The following SHB variants were observed in gnomAD, a reference collection of about 807,000 sequenced individuals.
SHB encodes SH2 domain containing adaptor protein B.
In SHB, 20 loss-of-function variants were observed where a neutral mutation model predicts 52.3. The observed-to-expected ratio is 0.38, with a 90% confidence interval of 0.27 to 0.56. SHB has a LOEUF of 0.56. SHB is among the 20% of genes least tolerant of loss of function. The probability of loss-of-function intolerance (pLI) is 0.71; values close to 1 mark genes in which losing one functional copy is unlikely to be tolerated. For synonymous variants in SHB, 397 were observed against 316.5 expected (o/e 1.25, Z -2.70); for missense variants, 825 against 723.3 (o/e 1.14, Z -1.61).
chr9:38,026,866 C>T (rs1459035658), intron 1 of SHB, among the ~76,000 whole-genome samples: 1 of 152,202 alleles, frequency 6.6e-6, no homozygotes, highest in Non-Finnish European at 1.5e-5. Context: ...CGTGCCTCCA[C>T]GTGCCAGGCA....
chr9:38,026,572 T>C (rs1821346502), intron 1 of SHB, among the ~76,000 whole-genome samples: 1 of 152,236 alleles, frequency 6.6e-6, no homozygotes, highest in Non-Finnish European at 1.5e-5. Flanking sequence ...TCAGCCACAA[T>C]TACCAGCCCC....
At position 38,068,199 on chromosome 9, in the gene SHB, G is replaced by T; in HGVS notation, c.447C>A (p.Ala149=). The change falls in exon 1 of 6, where the codon GCC becomes GCA. Residue 149 remains alanine, a synonymous_variant. Coordinates refer to ENST00000377707, the MANE Select transcript of SHB (RefSeq NM_003028.3). ...CCCASSGAGA[A]ASSSSSSGSP... The stretch of plus-strand genomic sequence containing the variant: ...AGCCGGAGGACGAGGACGAGGACGC[G>T]GCGGCCCCCGCGCCCGAGGAGGCGC... 2.1e-6 allele frequency: 3 copies of T among 1,402,802 alleles called. No individual in the cohort carries two copies. The highest frequency in any genetic ancestry group is 2.7e-6 in the Non-Finnish European group (3 of 1,091,710). The allele number at this position is 1,402,802 out of a possible 1,614,324, so 86.9% of individuals were successfully genotyped here.
At chr9:37,961,925 C>T (rs7043495) in intron 3 of SHB, among the ~76,000 whole-genome samples, 88,155 of 151,998 alleles carry the variant, frequency 0.58, 25,824 homozygotes, top group East Asian at 0.82. Flanking sequence ...TCCCCATGGC[C>T]GACCTGCAGC....
chr9:38,019,741 T>G (rs1417890027), intron 1 of SHB, among the ~76,000 whole-genome samples: 1 of 143,168 alleles, frequency 7.0e-6, no homozygotes, highest in Non-Finnish European at 1.5e-5. Context: ...CTTCTCAGTA[T>G]TTATTCCCAA....
chr9:37,934,211 G>C (rs2118480104), intron 5 of SHB, among the ~76,000 whole-genome samples: 1 of 152,278 alleles, frequency 6.6e-6, no homozygotes, highest in East Asian at 1.9e-4. Context: ...CAAGTCCCAA[G>C]AGACAGGGTC....
chr9:37,940,343 T>A (rs1228119681), intron 5 of SHB, among the ~76,000 whole-genome samples: 1 of 152,236 alleles, frequency 6.6e-6, no homozygotes, highest in Non-Finnish European at 1.5e-5. Context: ...AATGGTGCAC[T>A]CTCTTATCCT....
At chr9:38,040,318 G>A (rs1199956896) in intron 1 of SHB, among the ~76,000 whole-genome samples, 1 of 152,220 alleles carries the variant, frequency 6.6e-6, no homozygotes, top group Non-Finnish European at 1.5e-5. Context: ...CAGAGATGAT[G>A]GTCCGCTGAG....
rs1489086810 is a variant in SHB, at chr9:37,974,682, G to A, written c.994C>T (p.Pro332Ser). The A allele has an allele frequency of 6.2e-7, 1 of 1,613,952 alleles. No homozygotes were observed. Among genetic ancestry groups the A allele is most frequent in the South Asian group, 1.1e-5 (1 of 91,052 alleles). The change falls in exon 3 of 6, where the codon CCC becomes TCC. Residue 332 changes from proline to serine, a missense_variant. Physicochemically the swap from Pro to Ser is moderately conservative, Grantham distance 74 (BLOSUM62 -1). Coordinates refer to ENST00000377707, the MANE Select transcript of SHB (RefSeq NM_003028.3). Reference sequence around the variant, plus strand: ...CAAGGCTGGTCGTACTCATCGGCGGGCCTGTCGTCATCCTGGGGCAGCTTG... The same window carrying A: ...CAAGGCTGGTCGTACTCATCGGCGGACCTGTCGTCATCCTGGGGCAGCTTG... ...ESKLPQDDDR[P>S]ADEYDQPWEW...
At chr9:38,020,038 T>C (rs1821263340) in intron 1 of SHB, among the ~76,000 whole-genome samples, 1 of 152,192 alleles carries the variant, frequency 6.6e-6, no homozygotes, top group Non-Finnish European at 1.5e-5. Context: ...CCTGTATCTC[T>C]ATTAAGTTAA....
At chr9:38,015,977 C>T in intron 2 of SHB, 34 bp downstream of exon 2, 2 of 1,610,328 alleles carry the variant, frequency 1.2e-6, no homozygotes, top group Non-Finnish European at 1.7e-6. Context: ...CCTACAACCC[C>T]AGCTGTGAGC....
intron 2 of SHB, among the ~76,000 whole-genome samples, chr9:37,977,252 T>C (rs1392828657): frequency 6.6e-6 from 1 of 152,192 alleles, no homozygotes; most frequent in Non-Finnish European, 1.5e-5. Context: ...AGGTAGGTGC[T>C]GATGCCTGCT....
chr9:38,022,780 T>C (rs774867079), intron 1 of SHB, among the ~76,000 whole-genome samples: 5 of 152,186 alleles, frequency 3.3e-5, no homozygotes, highest in Admixed American at 6.5e-5. Flanking sequence ...TGGACAGATG[T>C]TCTGTGCAGA....
chr9:37,981,203 G>A (rs1035766712), intron 2 of SHB, among the ~76,000 whole-genome samples: 1 of 152,210 alleles, frequency 6.6e-6, no homozygotes, highest in Non-Finnish European at 1.5e-5. Context: ...AGGCTGCTTT[G>A]TCTACACTGA....
Position 38,018,041 on chromosome 9 carries a change from T to C in SHB, c.718-1910A>G, listed in dbSNP as rs1396293218. Among the ~76,000 whole-genome samples, 28 of 152,322 alleles carry C rather than the reference T, an allele frequency of 1.8e-4. No individual in the cohort carries two copies. In the South Asian group the frequency reaches 3.5e-3, roughly 19 times the overall value. ...TGGATGACATCTAATCTTATTTCTC[T>C]TGTCCCAGATTTCCTCACTGTCTCT... On this transcript the variant is annotated intron_variant, in intron 1 of 5. Coordinates refer to ENST00000377707, the MANE Select transcript of SHB (RefSeq NM_003028.3).
chr9:38,025,382 G>C (rs900128621), intron 1 of SHB, among the ~76,000 whole-genome samples: 2 of 152,156 alleles, frequency 1.3e-5, no homozygotes, highest in Admixed American at 6.5e-5. Flanking sequence ...GCTCTAGGGG[G>C]TACGAGTGCT....
At chr9:38,055,277 AAT>A (rs1302506397) in intron 1 of SHB, among the ~76,000 whole-genome samples, 1 of 152,126 alleles carries the variant, frequency 6.6e-6, no homozygotes, top group Non-Finnish European at 1.5e-5. Context: ...CTTTTCCTTT[AAT>A]ACCAATTTGT....
intron 2 of SHB, among the ~76,000 whole-genome samples, chr9:37,993,168 T>C (rs1820904879): frequency 6.6e-6 from 1 of 152,228 alleles, no homozygotes; most frequent in Non-Finnish European, 1.5e-5. Context: ...TGGAATGAGA[T>C]GAGGCTTAAC....
At chr9:38,019,922 T>C (rs76598090) in intron 1 of SHB, among the ~76,000 whole-genome samples, 1,994 of 152,284 alleles carry the variant, frequency 0.013, 42 homozygotes, top group African/African-American at 0.045. Context: ...AGTTGCTCTG[T>C]GTGAGCTGGC....
chr9:37,983,731 G>A (rs116789399), intron 2 of SHB, among the ~76,000 whole-genome samples: 459 of 152,372 alleles, frequency 3.0e-3, no homozygotes, highest in African/African-American at 0.01. Context: ...CATGCCATCT[G>A]ATCTCTCTCA....
Sources: allele counts gnomAD v4.1 joint callset (sites outside exome capture counted in the v4.1 genomes callset), GRCh38; gene constraint gnomAD v4.1.1; transcripts MANE v1.5; gene names NCBI Gene and HGNC (gene_info 2026-07-23, HGNC 2026-07-21).